ANO5: variants seen among roughly 807,000 people sequenced by gnomAD.
ANO5 encodes anoctamin-5.
In ANO5, 109 loss-of-function variants were observed where a neutral mutation model predicts 121.0. The observed-to-expected ratio is 0.90, with a 90% CI of 0.77 to 1.06. ANO5 has a LOEUF of 1.06. Ranked by LOEUF, ANO5 falls within the 50% of genes least tolerant of loss-of-function variation. ANO5 has a pLI of 0.00. For synonymous variants in ANO5, 406 were observed against 359.9 expected, an observed-to-expected ratio of 1.13 and a Z score of -1.45; for missense variants, 1,064 against 1,078.5, an observed-to-expected ratio of 0.99 and a Z score of 0.19.
intron 14 of ANO5, among the ~76,000 whole-genome samples, chr11:22,258,506 C>T (rs1854076150): frequency 6.6e-6 from 1 of 152,120 alleles, no homozygotes; most frequent in Non-Finnish European, 1.5e-5. Context: ...GCTTCCTCAA[C>T]TTTTAGAATA....
intron 1 of ANO5, among the ~76,000 whole-genome samples, chr11:22,202,452 AT>A (rs200031756): frequency 0.019 from 1,251 of 64,710 alleles, 11 homozygotes; most frequent in Middle Eastern, 0.15. Flanking sequence ...CAAATGGTAG[AT>A]TTTTTAAATT....
At chr11:22,255,321 AG>A (rs752025573) in intron 12 of ANO5, 49 bp from the exon 13 acceptor site, 3 of 1,443,718 alleles carry the variant, frequency 2.1e-6, no homozygotes, top group Non-Finnish European at 2.8e-6. Flanking sequence ...AAGTTGAAAA[AG>A]TTTTTAACTT....
At position 22,193,516 on chromosome 11, in the gene ANO5, A is replaced by T; in HGVS notation, c.24A>T (p.Glu8Asp). 1 of 1,613,078 alleles carries T rather than the reference A, an allele frequency of 6.2e-7. No individual in the cohort carries two copies. Among genetic ancestry groups the T allele is most frequent in the Non-Finnish European group, 8.5e-7 (1 of 1,179,790 alleles). Residue 8 changes from glutamate (E) to aspartate (D), a missense_variant, in exon 1 of 22, where the codon GAA (glutamate) becomes GAT (aspartate). Transcript: ENST00000324559. Reference protein sequence around the residue: MGDPDLLEVLAEEGEKVN... With the variant: MGDPDLLDVLAEEGEKVN... ...AGATGGGCGACCCGGATCTCCTGGA[A>T]GTGTTGGCGGAGGAAGGTAGGACCG...
At position 22,232,981 on chromosome 11, in the gene ANO5, C is replaced by T. The variant is rs115551356; in HGVS notation, c.649-3182C>T. ...CACAGAACTACTCTTTACCATATGA[C>T]GTAGATAATACTCATAGATACCCCT... On this transcript the variant is annotated intron_variant, in intron 7 of 21. Transcript: ENST00000324559. Among the ~76,000 whole-genome samples, 168 of 152,114 alleles carry T rather than the reference C, an allele frequency of 1.1e-3. 1 individual carries two copies. Among genetic ancestry groups the T allele is most frequent in the African/African-American group, 3.8e-3 (156 of 41,520 alleles).
At chr11:22,199,614 A>C (rs1346798107) in intron 1 of ANO5, among the ~76,000 whole-genome samples, 2 of 152,162 alleles carry the variant, frequency 1.3e-5, no homozygotes, top group Non-Finnish European at 2.9e-5. Context: ...TTATGAAAAT[A>C]GGTATATTTT....
intron 9 of ANO5, among the ~76,000 whole-genome samples, chr11:22,240,433 A>G (rs1249510323): frequency 1.3e-5 from 2 of 152,036 alleles, no homozygotes; most frequent in African/African-American, 4.8e-5. Flanking sequence ...ACAGCATCAC[A>G]GTATCTGTTT....
chr11:22,241,644 T>C (rs1853435748), intron 9 of ANO5, among the ~76,000 whole-genome samples: 1 of 152,072 alleles, frequency 6.6e-6, no homozygotes, highest in African/African-American at 2.4e-5. Flanking sequence ...TCTGGATTAG[T>C]GATGATGAGC....
chr11:22,283,241 T>C lies in ANO5; in HGVS notation c.*3476T>C, dbSNP rs1048664234. The C allele has an allele frequency of 2.0e-5, 3 of 152,182 alleles. No individual in the cohort carries two copies. The highest frequency in any genetic ancestry group is 4.8e-5 in the African/African-American group (2 of 41,458). 9.4% of individuals were successfully genotyped at this position (152,182 alleles called of 1,614,324 possible). ...TTTAAAATTTCTTTCTTCCAAGTTT[T>C]TTTTTCCAGGAAGAGAAATATGCAG... On this transcript the variant is annotated 3_prime_UTR_variant, in exon 22 of 22. Transcript: ENST00000324559.
intron 1 of ANO5, among the ~76,000 whole-genome samples, chr11:22,195,775 C>T (rs1416299248): frequency 1.3e-5 from 2 of 152,110 alleles, no homozygotes; most frequent in Non-Finnish European, 2.9e-5. Context: ...TCTATTTATG[C>T]TTACATGTGA....
chr11:22,219,515 C>G (rs1211808743), intron 4 of ANO5, among the ~76,000 whole-genome samples: 1 of 151,580 alleles, frequency 6.6e-6, no homozygotes, highest in African/African-American at 2.4e-5. Context: ...CTCTATCATA[C>G]AAAATATGAC....
chr11:22,230,116 G>A (rs1267803652), intron 7 of ANO5, among the ~76,000 whole-genome samples: 1 of 151,848 alleles, frequency 6.6e-6, no homozygotes, highest in Non-Finnish European at 1.5e-5. Context: ...ATATGATTAT[G>A]TGTTTACACC....
At chr11:22,215,921 GC>G (rs1852428038) in intron 3 of ANO5, among the ~76,000 whole-genome samples, 1 of 151,756 alleles carries the variant, frequency 6.6e-6, no homozygotes. Context: ...GCTTCTTGCT[GC>G]TTTTGCTCGT....
At chr11:22,225,481 G>A (rs1564922167) in intron 5 of ANO5, among the ~76,000 whole-genome samples, 1 of 151,930 alleles carries the variant, frequency 6.6e-6, no homozygotes, top group Non-Finnish European at 1.5e-5. Context: ...ACAAACAAAT[G>A]AAGAACTAAG....
chr11:22,279,827 GC>G lies in ANO5; in HGVS notation c.*64del. 7.3e-7 allele frequency: 1 copy of G among 1,375,134 alleles called. No individual in the cohort carries two copies. Among genetic ancestry groups the G allele is most frequent in the Non-Finnish European group, 1.0e-6 (1 of 976,884 alleles). 85.2% of individuals were successfully genotyped at this position (1,375,134 alleles called of 1,614,324 possible). On this transcript the variant is annotated 3_prime_UTR_variant, in exon 22 of 22. Transcript: ENST00000324559. ...CTTCACTTTATCCTCTGGTTTTAGG[GC>G]CAGACGCCAGAAGCCATGTGTCAAT...
chr11:22,258,942 GCTAACATGGTGAAACCCCGTCTCTA>G (rs1854094554), intron 14 of ANO5, among the ~76,000 whole-genome samples: 1 of 152,122 alleles, frequency 6.6e-6, no homozygotes, highest in Non-Finnish European at 1.5e-5. Context: ...GACTATCCTG[GCTAACATGGTGAAACCCCGTCTCTA>G]CTAAAAATAC....
intron 12 of ANO5, among the ~76,000 whole-genome samples, chr11:22,252,247 G>A (rs1853850155): frequency 6.6e-6 from 1 of 152,066 alleles, no homozygotes; most frequent in Admixed American, 6.5e-5. Flanking sequence ...CTCAGTTTTT[G>A]TAAGTTGTTG....
chr11:22,226,384 G>C (rs1852833986), intron 6 of ANO5, among the ~76,000 whole-genome samples: 1 of 152,072 alleles, frequency 6.6e-6, no homozygotes, highest in Admixed American at 6.6e-5. Context: ...CTGTCTTGCA[G>C]CATAACCTGC....
intron 1 of ANO5, among the ~76,000 whole-genome samples, chr11:22,196,776 G>A (rs561571362): frequency 7.9e-5 from 12 of 152,200 alleles, no homozygotes; most frequent in South Asian, 4.1e-4. Context: ...GACTGAAGTG[G>A]GAGAATCCCT....
chr11:22,206,132 T>G (rs2133531096), intron 2 of ANO5, among the ~76,000 whole-genome samples: 1 of 152,062 alleles, frequency 6.6e-6, no homozygotes, highest in Non-Finnish European at 1.5e-5. Flanking sequence ...TACGTAACTT[T>G]GATACCAAAA....
Sources: allele counts gnomAD v4.1 joint callset (sites outside exome capture counted in the v4.1 genomes callset), GRCh38; gene constraint gnomAD v4.1.1; transcripts MANE v1.5; gene names NCBI Gene and HGNC (gene_info 2026-07-23, HGNC 2026-07-21).